The following SMCO1 variants were observed in gnomAD, a reference collection of about 807,000 sequenced individuals.
SMCO1 encodes the protein single-pass membrane and coiled-coil domain-containing protein 1.
SMCO1 carries 9 observed loss-of-function variants against 7.5 expected under a neutral mutation model. That is an observed-to-expected ratio of 1.20 (90% CI 0.72 to 2.09). The LOEUF is 2.09. Ranked by LOEUF, SMCO1 falls within the 30% of genes most tolerant of loss-of-function variation. The pLI is 0.00. For missense variants in SMCO1, 219 were observed against 253.1 expected, an observed-to-expected ratio of 0.87 and a Z score of 0.91; for synonymous variants, 90 against 93.8, an observed-to-expected ratio of 0.96 and a Z score of 0.23.
upstream of SMCO1, among the ~76,000 whole-genome samples, chr3:196,517,616 AC>A (rs1296167030): frequency 8.4e-5 from 12 of 142,454 alleles, no homozygotes; most frequent in African/African-American, 1.3e-4. Context: ...ATCTAACAGC[AC>A]CCCCCTGTGC....
upstream of SMCO1, among the ~76,000 whole-genome samples, chr3:196,517,824 CACT>C (rs1459469887): frequency 6.6e-6 from 1 of 152,128 alleles, no homozygotes; most frequent in Non-Finnish European, 1.5e-5. Context: ...TGTGTGCCAC[CACT>C]ATTACAGGAG....
At chr3:196,519,886 G>A (rs1226653129), upstream of SMCO1, among the ~76,000 whole-genome samples, 4 of 152,124 alleles carry the variant, frequency 2.6e-5, no homozygotes, top group Non-Finnish European at 5.9e-5. Context: ...ACCACGGGCG[G>A]CACATTTAAC....
intron 1 of SMCO1, among the ~76,000 whole-genome samples, chr3:196,514,803 A>G (rs867348966): frequency 6.6e-6 from 1 of 152,056 alleles, no homozygotes; most frequent in African/African-American, 2.4e-5. Flanking sequence ...GTGCAGTGGC[A>G]CGATCTCGGC....
At position 196,509,537 on chromosome 3, in the gene SMCO1, T is replaced by C; in HGVS notation, c.183A>G (p.Thr61=). 1.2e-6 allele frequency: 2 copies of C among 1,613,830 alleles called. No homozygotes were observed. The highest frequency in any genetic ancestry group is 1.7e-6 in the Non-Finnish European group (2 of 1,179,786). The part of the protein sequence containing the change: ...ASQAAQDEMW[T]AVRALQLTSM... ...ATACTCACTGGAGTGCCCGAACTGC[T>C]GTCCACATCTCATCTTGGGCTGCTT... The change falls in exon 2 of 3, where the codon ACA becomes ACG. Residue 61 remains threonine (T), a synonymous_variant. Transcript: ENST00000397537.
chr3:196,511,112 CCTGGGCCACCTAGATTGTCT>C, intron 1 of SMCO1, among the ~76,000 whole-genome samples: 1 of 147,450 alleles, frequency 6.8e-6, no homozygotes, highest in Non-Finnish European at 1.5e-5. Flanking sequence ...GGGAAATTTG[CCTGGGCCACCTAGATTGTCT>C]TTATGAGGGA....
chr3:196,516,958 G>A (rs1733400602), upstream of SMCO1, among the ~76,000 whole-genome samples: 1 of 151,824 alleles, frequency 6.6e-6, no homozygotes, highest in Non-Finnish European at 1.5e-5. Flanking sequence ...AATTAGCTGG[G>A]CATGGTGGCA....
At chr3:196,518,277 C>T (rs569259021), upstream of SMCO1, among the ~76,000 whole-genome samples, 2 of 152,362 alleles carry the variant, frequency 1.3e-5, no homozygotes, top group African/African-American at 2.4e-5. Context: ...CCTGACATAA[C>T]CAACTGCTTT....
upstream of SMCO1, among the ~76,000 whole-genome samples, chr3:196,518,107 T>C (rs368934804): frequency 1.3e-5 from 2 of 152,184 alleles, no homozygotes; most frequent in South Asian, 2.1e-4. Flanking sequence ...CAGGTAGAAG[T>C]AACATGTACA....
intron 1 of SMCO1, 45 bp downstream of exon 1, chr3:196,515,115 G>C: frequency 6.2e-7 from 1 of 1,606,420 alleles, no homozygotes; most frequent in Admixed American, 1.7e-5. Flanking sequence ...CATCTTCCCA[G>C]AATAGCAGAC....
chr3:196,509,788 TTTTTAC>T (rs1338095703), intron 1 of SMCO1, 119 bp from the exon 2 acceptor site: 16 of 858,586 alleles, frequency 1.9e-5, no homozygotes, highest in African/African-American at 1.2e-4. Context: ...AACTTTTTTT[TTTTTAC>T]TTTTACTTTA....
intron 1 of SMCO1, among the ~76,000 whole-genome samples, chr3:196,512,554 C>T (rs973007454): frequency 6.9e-6 from 1 of 143,988 alleles, no homozygotes; most frequent in African/African-American, 2.7e-5. Flanking sequence ...GCTCTGTCGC[C>T]AGGCTGGAGT....
intron 1 of SMCO1, among the ~76,000 whole-genome samples, chr3:196,512,974 T>C (rs1224157532): frequency 6.6e-6 from 1 of 152,158 alleles, no homozygotes; most frequent in Non-Finnish European, 1.5e-5. Context: ...AAATGTTCAT[T>C]TTGTAGGAAT....
chr3:196,509,058 T>G (rs1440356275), intron 2 of SMCO1, among the ~76,000 whole-genome samples: 1 of 151,698 alleles, frequency 6.6e-6, no homozygotes, highest in East Asian at 1.9e-4. Context: ...TTAATCTTTT[T>G]TTTTTCTTTG....
upstream of SMCO1, among the ~76,000 whole-genome samples, chr3:196,515,988 G>GATAGATAT (rs1553865641): frequency 8.4e-5 from 2 of 23,894 alleles, no homozygotes; most frequent in Non-Finnish European, 1.4e-4. Context: ...AAGAGGATAG[G>GATAGATAT]ATATATATAT....
intron 1 of SMCO1, among the ~76,000 whole-genome samples, chr3:196,511,470 G>A (rs534869054): frequency 7.1e-4 from 56 of 79,310 alleles, no homozygotes; most frequent in African/African-American, 4.8e-3. Flanking sequence ...TTCTCATTAT[G>A]AGGGAAACCT....
At chr3:196,516,423 A>T (rs915349862), upstream of SMCO1, among the ~76,000 whole-genome samples, 2 of 152,092 alleles carry the variant, frequency 1.3e-5, no homozygotes, top group Non-Finnish European at 2.9e-5. Context: ...GTGTGAGCAA[A>T]ATCACAGAGG....
upstream of SMCO1, among the ~76,000 whole-genome samples, chr3:196,516,566 A>C (rs1055591113): frequency 1.8e-4 from 27 of 152,214 alleles, no homozygotes; most frequent in African/African-American, 6.3e-4. Flanking sequence ...CTTTCACTGA[A>C]TACTTTATTC....
intron 2 of SMCO1, among the ~76,000 whole-genome samples, chr3:196,509,222 T>C (rs1359419956): frequency 6.8e-6 from 1 of 146,318 alleles, no homozygotes; most frequent in Non-Finnish European, 1.5e-5. Context: ...GCTAATTTTT[T>C]TTTTTTTTTT....
rs1577531140 is a variant in SMCO1 at position 196,508,093 on chromosome 3, C to G, written c.439G>C (p.Gly147Arg). ...GCAGTATAGTGTTCTGCCTTGTTAC[C>G]ACGTGCAATAAAGAAGGTACAAAGT... is the stretch of plus-strand genomic sequence containing the variant. Reference protein sequence around the residue: ...TALCTFFIARGNKAEHYTAKV... With the variant: ...TALCTFFIARRNKAEHYTAKV... Residue 147 changes from glycine to arginine, a missense_variant, in exon 3 of 3, where the codon GGT becomes CGT. Coordinates refer to ENST00000397537, the MANE Select transcript of SMCO1 (RefSeq NM_001077657.3). The G allele has an allele frequency of 6.2e-7, 1 of 1,614,150 alleles. No individual in the cohort carries two copies. Among genetic ancestry groups the G allele is most frequent in the East Asian group, 2.2e-5 (1 of 44,888 alleles).
Sources: allele counts gnomAD v4.1 joint callset (sites outside exome capture counted in the v4.1 genomes callset), GRCh38; gene constraint gnomAD v4.1.1; transcripts MANE v1.5; gene names NCBI Gene and HGNC (gene_info 2026-07-23, HGNC 2026-07-21).